Variants in IL16 observed in about 807,000 individuals in gnomAD.
The protein encoded by IL16 is pro-interleukin-16.
In IL16, 67 loss-of-function variants were observed where a neutral mutation model predicts 110.1. The ratio of observed to expected loss-of-function variants is 0.61; its 90% CI spans 0.50 to 0.75. IL16 has a LOEUF of 0.75. Among genes scored for constraint, IL16 ranks in the 30% least tolerant of loss-of-function variants. The pLI, the probability that IL16 is intolerant of heterozygous loss-of-function variation, is 0.00. For synonymous variants in IL16, 689 were observed against 662.9 expected, an observed-to-expected ratio of 1.04 and a Z score of -0.61; for missense variants, 1,545 against 1,655.0, an observed-to-expected ratio of 0.93 and a Z score of 1.15.
intron 2 of IL16, among the ~76,000 whole-genome samples, chr15:81,242,487 T>C (rs984179100): frequency 1.3e-5 from 2 of 152,188 alleles, no homozygotes; most frequent in African/African-American, 2.4e-5. Flanking sequence ...TATTTTGCTT[T>C]CTTTTGAGTG....
intron 4 of IL16, among the ~76,000 whole-genome samples, chr15:81,266,491 A>C (rs1898387346): frequency 6.6e-6 from 1 of 152,202 alleles, no homozygotes; most frequent in Non-Finnish European, 1.5e-5. Context: ...GCTTGCAGGC[A>C]GAGAGCTAAG....
intron 2 of IL16, among the ~76,000 whole-genome samples, chr15:81,249,751 C>T (rs1049598993): frequency 9.9e-5 from 15 of 152,068 alleles, no homozygotes; most frequent in South Asian, 6.2e-4. Context: ...TTAATAATTA[C>T]GTGAAGTATA....
At position 81,225,286 on chromosome 15, in the gene IL16, C is replaced by T. The variant is rs1352061697; in HGVS notation, c.-101-13C>T. On this transcript the variant is annotated splice_polypyrimidine_tract_variant and intron_variant, in intron 1 of 18. Transcript: ENST00000683961. ...AAGTCACATTGCTTCTTCCCATTTC[C>T]TCTTTCCTCTAGGGACTCATGAAGT... 1 of 1,500,698 alleles carries T rather than the reference C, an allele frequency of 6.7e-7. No homozygotes were observed. Among genetic ancestry groups the T allele is most frequent in the Admixed American group, 2.2e-5 (1 of 46,440 alleles). The allele number at this position is 1,500,698 out of a possible 1,614,324, so 93.0% of individuals were successfully genotyped here.
At chr15:81,206,127 A>G (rs1157400097) in intron 1 of IL16, among the ~76,000 whole-genome samples, 1 of 152,278 alleles carries the variant, frequency 6.6e-6, no homozygotes, top group East Asian at 1.9e-4. Flanking sequence ...TCTATGACTT[A>G]CAAAATTGAA....
intron 1 of IL16, among the ~76,000 whole-genome samples, chr15:81,208,885 C>T (rs1896132313): frequency 6.6e-6 from 1 of 152,034 alleles, no homozygotes; most frequent in Non-Finnish European, 1.5e-5. Flanking sequence ...CCTCTCTGTG[C>T]CTCAGTTTTC....
intron 2 of IL16, among the ~76,000 whole-genome samples, chr15:81,246,818 C>T (rs1274223196): frequency 6.6e-5 from 10 of 152,050 alleles, no homozygotes; most frequent in Admixed American, 6.5e-4. Flanking sequence ...CATCTGGTAC[C>T]AGTGTTTTCT....
intron 3 of IL16, among the ~76,000 whole-genome samples, chr15:81,263,532 G>C (rs891939278): frequency 6.6e-6 from 1 of 152,116 alleles, no homozygotes; most frequent in African/African-American, 2.4e-5. Flanking sequence ...AGTGGGCACA[G>C]AAATCGACCC....
At chr15:81,282,606 C>A in intron 8 of IL16, 33 bp from the exon 9 acceptor site, 1 of 1,542,084 alleles carries the variant, frequency 6.5e-7, no homozygotes, top group Non-Finnish European at 8.9e-7. Context: ...AGCTCAGTCC[C>A]GGTCTCCCCA....
At chr15:81,304,144 G>A (rs1452000574) in intron 16 of IL16, among the ~76,000 whole-genome samples, 1 of 152,214 alleles carries the variant, frequency 6.6e-6, no homozygotes, top group Non-Finnish European at 1.5e-5. Context: ...CCCTTGCAGT[G>A]GCAATCTGGC....
intron 1 of IL16, among the ~76,000 whole-genome samples, chr15:81,210,700 C>G (rs572822430): frequency 6.6e-6 from 1 of 152,278 alleles, no homozygotes; most frequent in African/African-American, 2.4e-5. Flanking sequence ...ATTTTGTATC[C>G]TGAAACCTTG....
Position 81,292,853 on chromosome 15 carries a change from G to C in IL16, c.1718G>C (p.Arg573Pro), listed in dbSNP as rs546097031. ...PQESPPLPES[R>P]DSHPPLRLKK... ...GAGAGCCCACCCCTCCCAGAGAGCC[G>C]GGACAGCCACCCGCCGCTGAGACTG... Residue 573 changes from arginine (R) to proline (P), a missense_variant, in exon 12 of 19, where the codon CGG (arginine) becomes CCG (proline). Physicochemically the swap from Arg to Pro is moderately radical, Grantham distance 103 (BLOSUM62 -2). Transcript: ENST00000683961. 1 of 1,613,842 alleles carries C rather than the reference G, an allele frequency of 6.2e-7. No individual in the cohort carries two copies. Among genetic ancestry groups the C allele is most frequent in the South Asian group, 1.1e-5 (1 of 91,056 alleles).
chr15:81,307,519 T>C (rs1238153742), intron 18 of IL16, among the ~76,000 whole-genome samples: 1 of 152,184 alleles, frequency 6.6e-6, no homozygotes, highest in Non-Finnish European at 1.5e-5. Context: ...CCCCCCAGAA[T>C]CCATGTTAAC....
intron 8 of IL16, 71 bp downstream of exon 8, chr15:81,279,845 C>A: frequency 7.5e-7 from 1 of 1,337,266 alleles, no homozygotes; most frequent in Non-Finnish European, 1.1e-6. Context: ...GCTTTCCTCA[C>A]TTGGAATCAG....
chr15:81,183,805 T>TA (rs1895379717), intron 1 of IL16, among the ~76,000 whole-genome samples: 1 of 152,176 alleles, frequency 6.6e-6, no homozygotes, highest in Non-Finnish European at 1.5e-5. Context: ...GCTCTGAGGG[T>TA]AACAGGCTCC....
intron 2 of IL16, among the ~76,000 whole-genome samples, chr15:81,244,229 A>G (rs1347908562): frequency 6.6e-6 from 1 of 152,190 alleles, no homozygotes; most frequent in East Asian, 1.9e-4. Context: ...ACAACTTAGA[A>G]AACTCAAGAG....
At chr15:81,299,109 C>A (rs908648407) in intron 13 of IL16, among the ~76,000 whole-genome samples, 2 of 152,158 alleles carry the variant, frequency 1.3e-5, no homozygotes, top group Admixed American at 6.5e-5. Context: ...TGTAATATGC[C>A]AGAGGTCGGC....
At chr15:81,213,999 G>A (rs1180957815) in intron 1 of IL16, among the ~76,000 whole-genome samples, 1 of 150,030 alleles carries the variant, frequency 6.7e-6, no homozygotes, top group African/African-American at 2.5e-5. Flanking sequence ...AGTGCCTGTG[G>A]GCTATGTGCT....
chr15:81,283,779 G>A (rs916019772), intron 9 of IL16, among the ~76,000 whole-genome samples: 1 of 152,168 alleles, frequency 6.6e-6, no homozygotes, highest in Non-Finnish European at 1.5e-5. Context: ...GCTGAGGCGA[G>A]TGAATGGCCT....
At chr15:81,218,931 CA>C (rs1050133457) in intron 1 of IL16, among the ~76,000 whole-genome samples, 1 of 142,352 alleles carries the variant, frequency 7.0e-6, no homozygotes, top group African/African-American at 2.5e-5. Context: ...TTTTGAGTAA[CA>C]ATTTTTTTTT....
Sources: gnomAD v4.1 joint callset for allele counts (sites outside exome capture counted in the v4.1 genomes callset) on GRCh38, gnomAD v4.1.1 for gene constraint, MANE v1.5 for transcripts, NCBI Gene and HGNC (gene_info 2026-07-23, HGNC 2026-07-21) for gene names.